Variants in SLC25A20 observed in about 807,000 individuals in gnomAD.
SLC25A20 encodes solute carrier family 25 member 20.
In SLC25A20, 29 loss-of-function variants were observed where a neutral mutation model predicts 39.7. That is an observed-to-expected ratio of 0.73 (90% confidence interval 0.54 to 1.00). SLC25A20 has a LOEUF of 1.00. SLC25A20 is among the 50% of genes least tolerant of loss of function. SLC25A20 has a pLI of 0.00. For missense variants in SLC25A20, 333 were observed against 379.9 expected (o/e 0.88, Z 1.03); for synonymous variants, 103 against 142.2 (o/e 0.72, Z 1.96).
chr3:48,869,491 G>A (rs901428265), intron 4 of SLC25A20, among the ~76,000 whole-genome samples: 2 of 151,956 alleles, frequency 1.3e-5, no homozygotes, highest in African/African-American at 4.8e-5. Context: ...TCCCAAAGTG[G>A]GATTACAGGC....
At chr3:48,868,083 G>C (rs1483132858) in intron 4 of SLC25A20, among the ~76,000 whole-genome samples, 1 of 150,706 alleles carries the variant, frequency 6.6e-6, no homozygotes, top group Admixed American at 6.7e-5. Context: ...GAAAAGAAAA[G>C]AAACAAGCAG....
rs531303274 is a variant in SLC25A20, at chr3:48,882,947, G to T, written c.326+1050C>A. 8.6e-5 allele frequency among the ~76,000 whole-genome samples: 13 copies of T among 151,944 alleles called. No homozygotes were observed. In the East Asian group the frequency reaches 1.9e-3, roughly 23 times the overall value. ...TTATGCCTGTAATCCCAGCACTTTG[G>T]GGGGCCAAAGGGGGCGGATCACGAG... On this transcript the variant is annotated intron_variant, in intron 3 of 8. Coordinates refer to ENST00000319017, the MANE Select transcript of SLC25A20 (RefSeq NM_000387.6).
intron 4 of SLC25A20, among the ~76,000 whole-genome samples, chr3:48,865,180 T>A (rs1329995179): frequency 6.6e-6 from 1 of 151,012 alleles, no homozygotes; most frequent in Non-Finnish European, 1.5e-5. Context: ...CAGGCTGGGG[T>A]GCAGTAGTGC....
chr3:48,867,836 G>A (rs1348803060), intron 4 of SLC25A20, among the ~76,000 whole-genome samples: 6 of 151,358 alleles, frequency 4.0e-5, no homozygotes, highest in Admixed American at 1.3e-4. Context: ...CGAGGCAGGC[G>A]GACCACCTGA....
At position 48,859,130 on chromosome 3, in the gene SLC25A20, G is replaced by A; in HGVS notation, c.680C>T (p.Ala227Val). ...GIAGIFNWAV[A>V]IPPDVLKSRF... ...AGACTTGAGCACATCTGGGGGGATT[G>A]CCACAGCCCAGTTGAAGATCCCTGC... The change falls in exon 7 of 9, where the codon GCA becomes GTA. Residue 227 changes from alanine to valine, a missense_variant. Ala to Val is a moderately conservative substitution (Grantham distance 64). Coordinates refer to ENST00000319017, the MANE Select transcript of SLC25A20 (RefSeq NM_000387.6). 6.2e-7 allele frequency: 1 copy of A among 1,614,006 alleles called. No individual in the cohort carries two copies. The highest frequency in any genetic ancestry group is 8.5e-7 in the Non-Finnish European group (1 of 1,179,990).
At chr3:48,895,221 T>G (rs1370002649) in intron 1 of SLC25A20, among the ~76,000 whole-genome samples, 1 of 152,208 alleles carries the variant, frequency 6.6e-6, no homozygotes, top group African/African-American at 2.4e-5. Context: ...TTGCTCAGGT[T>G]GGTCTCGAAC....
intron 1 of SLC25A20, among the ~76,000 whole-genome samples, chr3:48,894,428 CTT>C (rs1334818918): frequency 2.0e-5 from 3 of 148,274 alleles, no homozygotes; most frequent in East Asian, 4.1e-4. Context: ...ACCCAGGTAA[CTT>C]TTGCATTTTT....
intron 4 of SLC25A20, among the ~76,000 whole-genome samples, chr3:48,872,360 C>G (rs957805270): frequency 6.6e-6 from 1 of 151,746 alleles, no homozygotes; most frequent in Non-Finnish European, 1.5e-5. Flanking sequence ...AAATTCCTGA[C>G]CTCAAGTGAT....
At chr3:48,895,073 A>C (rs978169757) in intron 1 of SLC25A20, among the ~76,000 whole-genome samples, 2 of 151,950 alleles carry the variant, frequency 1.3e-5, no homozygotes, top group Non-Finnish European at 2.9e-5. Flanking sequence ...CAATGGTGCG[A>C]TCTGGGCTCA....
intron 4 of SLC25A20, among the ~76,000 whole-genome samples, chr3:48,864,193 C>T (rs1417885001): frequency 1.3e-5 from 2 of 151,462 alleles, no homozygotes; most frequent in African/African-American, 2.4e-5. Flanking sequence ...ACTAAAAATA[C>T]AAAACTTAGC....
chr3:48,896,893 C>T (rs1348056023), intron 1 of SLC25A20, among the ~76,000 whole-genome samples: 3 of 151,912 alleles, frequency 2.0e-5, no homozygotes, highest in Admixed American at 6.6e-5. Flanking sequence ...TCCCATCAGA[C>T]TGTCTGGGTC....
intron 2 of SLC25A20, among the ~76,000 whole-genome samples, chr3:48,888,612 AATAG>A (rs1392138635): frequency 2.0e-5 from 3 of 148,370 alleles, no homozygotes; most frequent in Non-Finnish European, 4.4e-5. Context: ...TAAATAAATA[AATAG>A]TTTAAAAAGA....
chr3:48,874,817 C>A (rs953470048), intron 4 of SLC25A20, among the ~76,000 whole-genome samples: 3 of 151,866 alleles, frequency 2.0e-5, no homozygotes, highest in African/African-American at 7.3e-5. Flanking sequence ...GAGGCAGAGG[C>A]AGGAGGATCA....
chr3:48,879,842 T>G (rs1411032411), intron 3 of SLC25A20, among the ~76,000 whole-genome samples: 1 of 151,884 alleles, frequency 6.6e-6, no homozygotes, highest in Non-Finnish European at 1.5e-5. Flanking sequence ...CATGCTGGGG[T>G]TTTTGTGGGG....
intron 2 of SLC25A20, among the ~76,000 whole-genome samples, chr3:48,890,159 G>T (rs1002819291): frequency 6.6e-6 from 1 of 152,184 alleles, no homozygotes; most frequent in Admixed American, 6.5e-5. Flanking sequence ...GTGCTTCAGT[G>T]ATCACGCTCC....
chr3:48,870,392 T>C (rs1452648811), intron 4 of SLC25A20, among the ~76,000 whole-genome samples: 1 of 152,038 alleles, frequency 6.6e-6, no homozygotes, highest in Non-Finnish European at 1.5e-5. Context: ...CAAAAATCAA[T>C]CGTGTTTCCC....
chr3:48,858,993 A>G, intron 7 of SLC25A20, 99 bp downstream of exon 7: 1 of 911,992 alleles, frequency 1.1e-6, no homozygotes, highest in South Asian at 1.4e-5. Flanking sequence ...GCTGCCATGG[A>G]GAGTGAGTAT....
intron 4 of SLC25A20, among the ~76,000 whole-genome samples, chr3:48,867,742 G>A (rs1312816831): frequency 1.3e-5 from 2 of 151,698 alleles, no homozygotes; most frequent in African/African-American, 2.4e-5. Context: ...GGGATCAAGC[G>A]GAAGCACAGG....
chr3:48,872,687 C>CAAA (rs551848720), intron 4 of SLC25A20, among the ~76,000 whole-genome samples: 1 of 65,604 alleles, frequency 1.5e-5, no homozygotes, highest in Non-Finnish European at 3.5e-5. Flanking sequence ...CCCATCCTTA[C>CAAA]AAAAAAAAAA....
Sources: allele counts gnomAD v4.1 joint callset (sites outside exome capture counted in the v4.1 genomes callset), GRCh38; gene constraint gnomAD v4.1.1; transcripts MANE v1.5; gene names NCBI Gene and HGNC (gene_info 2026-07-23, HGNC 2026-07-21).